The following EFCAB5 variants were observed in gnomAD, a reference collection of about 807,000 sequenced individuals.
The protein encoded by EFCAB5 is EF-hand calcium-binding domain-containing protein 5.
Under a neutral mutation model 167.9 loss-of-function variants are expected in EFCAB5, and 131 were observed. That is an observed-to-expected ratio of 0.78 (90% CI 0.68 to 0.90). The LOEUF is 0.90. Ranked by LOEUF, EFCAB5 falls within the 40% of genes least tolerant of loss-of-function variation. The pLI, the probability that EFCAB5 is intolerant of heterozygous loss-of-function variation, is 0.00. For synonymous variants in EFCAB5, 574 were observed against 602.8 expected (o/e 0.95, Z 0.70); for missense variants, 1,663 against 1,745.2 (o/e 0.95, Z 0.84).
intron 7 of EFCAB5, among the ~76,000 whole-genome samples, chr17:30,020,095 A>T (rs1319908246): frequency 6.6e-6 from 1 of 152,190 alleles, no homozygotes; most frequent in Non-Finnish European, 1.5e-5. Context: ...ATGTTGTCAC[A>T]AATGACAACA....
At chr17:30,078,154 AT>A (rs2070905660) in intron 14 of EFCAB5, 60 bp from the exon 15 acceptor site, 1 of 1,506,994 alleles carries the variant, frequency 6.6e-7, no homozygotes, top group Non-Finnish European at 8.9e-7. Flanking sequence ...GAGAATGAAA[AT>A]CCCCCCCACC....
chr17:29,961,985 A>G (rs1396343847), intron 3 of EFCAB5, among the ~76,000 whole-genome samples: 3 of 152,230 alleles, frequency 2.0e-5, no homozygotes, highest in African/African-American at 7.2e-5. Context: ...CCCTTGTCAC[A>G]AATCAATTGA....
At chr17:30,059,427 C>T in intron 13 of EFCAB5, 118 bp from the exon 14 acceptor site, 2 of 1,137,068 alleles carry the variant, frequency 1.8e-6, no homozygotes, top group Admixed American at 2.5e-5. Flanking sequence ...TCATGCTTAG[C>T]CTCAAAGTAA....
intron 3 of EFCAB5, among the ~76,000 whole-genome samples, chr17:29,956,827 G>T (rs1269132503): frequency 6.6e-6 from 1 of 152,124 alleles, no homozygotes; most frequent in African/African-American, 2.4e-5. Context: ...AAGGAAAGCG[G>T]GGAGGGAGGG....
At chr17:30,093,207 A>G (rs1057332734) in intron 22 of EFCAB5, among the ~76,000 whole-genome samples, 2 of 152,224 alleles carry the variant, frequency 1.3e-5, no homozygotes, top group African/African-American at 4.8e-5. Flanking sequence ...ATGGGGCTGC[A>G]ATGAGAATGG....
rs1401656331 is a variant in EFCAB5, at chr17:29,968,910, A to C, written c.310A>C (p.Thr104Pro). The C allele has an allele frequency of 6.3e-7, 1 of 1,576,790 alleles. No individual in the cohort carries two copies. Among genetic ancestry groups the C allele is most frequent in the Non-Finnish European group, 8.6e-7 (1 of 1,160,346 alleles). The change falls in exon 4 of 23, where the codon ACT (threonine) becomes CCT (proline). Residue 104 changes from threonine (T) to proline (P), a missense_variant. Transcript: ENST00000394835. ...SAKVIFALDE[T>P]ELKSKPEHTW... is the part of the protein sequence containing the mutation. ...AAAAGTGATTTTTGCTTTAGATGAA[A>C]CTGAACTGAAATCAAAGCCAGAGCA...
intron 20 of EFCAB5, among the ~76,000 whole-genome samples, chr17:30,091,089 T>C (rs2071186821): frequency 6.6e-6 from 1 of 152,204 alleles, no homozygotes; most frequent in South Asian, 2.1e-4. Context: ...AGGGCTGGAT[T>C]TGAACCTAGA....
At chr17:30,015,759 CTT>C (rs71138866) in intron 7 of EFCAB5, among the ~76,000 whole-genome samples, 5,722 of 130,598 alleles carry the variant, frequency 0.044, 202 homozygotes, top group East Asian at 0.15. Flanking sequence ...TTGGTTATTT[CTT>C]TTTTTTTTTT....
At chr17:30,003,103 G>GA (rs2068698350) in intron 7 of EFCAB5, among the ~76,000 whole-genome samples, 2 of 141,130 alleles carry the variant, frequency 1.4e-5, no homozygotes, top group South Asian at 5.1e-4. Flanking sequence ...TTGTAGCGGG[G>GA]GGGGGGTCTG....
Position 29,933,846 on chromosome 17 carries a change from T to C in EFCAB5, c.-127+4517T>C, listed in dbSNP as rs149933317. 2.6e-5 allele frequency among the ~76,000 whole-genome samples: 4 copies of C among 152,278 alleles called. No homozygotes were observed. The East Asian group carries it at 7.7e-4, about 29-fold the overall frequency. On this transcript the variant is annotated intron_variant, in intron 1 of 3. Transcript: ENST00000448319. Reference sequence around the variant, plus strand: ...AGGTGAAGAATCCTGATCTAAATGTTAAAGGGGTGGTTCTCTACCTTTTTT... The same window carrying C: ...AGGTGAAGAATCCTGATCTAAATGTCAAAGGGGTGGTTCTCTACCTTTTTT...
At position 30,082,884 on chromosome 17, in the gene EFCAB5, T is replaced by G; in HGVS notation, c.3427-7T>G. On this transcript the variant is annotated splice_region_variant and splice_polypyrimidine_tract_variant and intron_variant, in intron 17 of 22. Transcript: ENST00000394835. ...GAATAGGCTATTTGAATTTTCTGTC[T>G]CTACAGGGTGTTGCTAATGTCTTTA... 6.2e-7 allele frequency: 1 copy of G among 1,600,204 alleles called. No homozygotes were observed. The highest frequency in any genetic ancestry group is 1.8e-5 in the Admixed American group (1 of 57,112).
At chr17:29,982,853 G>A (rs2068205963) in intron 4 of EFCAB5, among the ~76,000 whole-genome samples, 1 of 152,180 alleles carries the variant, frequency 6.6e-6, no homozygotes, top group Non-Finnish European at 1.5e-5. Context: ...TCCTTATACA[G>A]CTTGAATTGA....
At chr17:30,038,577 C>T (rs1045378705) in intron 8 of EFCAB5, among the ~76,000 whole-genome samples, 3 of 152,190 alleles carry the variant, frequency 2.0e-5, no homozygotes, top group East Asian at 1.9e-4. Context: ...GTCATTTTGA[C>T]GTTCAAGTCT....
At chr17:29,978,572 T>C (rs1301429278) in intron 4 of EFCAB5, among the ~76,000 whole-genome samples, 1 of 152,210 alleles carries the variant, frequency 6.6e-6, no homozygotes, top group Non-Finnish European at 1.5e-5. Context: ...TGCAACTTGA[T>C]ATTAAATGAG....
chr17:30,017,674 G>A (rs973988428), intron 7 of EFCAB5, among the ~76,000 whole-genome samples: 3 of 151,990 alleles, frequency 2.0e-5, no homozygotes, highest in South Asian at 2.1e-4. Context: ...TCACAAAAGA[G>A]TGCAGTCATT....
intron 8 of EFCAB5, among the ~76,000 whole-genome samples, chr17:30,047,812 A>G (rs1346791112): frequency 1.3e-5 from 2 of 152,198 alleles, no homozygotes; most frequent in Non-Finnish European, 2.9e-5. Flanking sequence ...ACCACAATGG[A>G]GAATCTCAGC....
intron 7 of EFCAB5, among the ~76,000 whole-genome samples, chr17:30,024,028 A>T (rs1234203482): frequency 6.6e-6 from 1 of 152,220 alleles, no homozygotes; most frequent in Non-Finnish European, 1.5e-5. Context: ...GATGGGACGT[A>T]TCTGAAAATA....
At chr17:29,999,536 CAAAAT>C (rs1376299738) in intron 6 of EFCAB5, among the ~76,000 whole-genome samples, 1 of 152,004 alleles carries the variant, frequency 6.6e-6, no homozygotes, top group Non-Finnish European at 1.5e-5. Context: ...ACATTAAAGA[CAAAAT>C]AAAGTTTTTA....
intron 3 of EFCAB5, among the ~76,000 whole-genome samples, chr17:29,944,217 G>A (rs1358908666): frequency 6.6e-6 from 1 of 151,636 alleles, no homozygotes; most frequent in African/African-American, 2.4e-5. Context: ...CTGGGACTAT[G>A]GGCACACATT....
Sources: gnomAD v4.1 joint callset for allele counts (sites outside exome capture counted in the v4.1 genomes callset) on GRCh38, gnomAD v4.1.1 for gene constraint, MANE v1.5 for transcripts, NCBI Gene and HGNC (gene_info 2026-07-23, HGNC 2026-07-21) for gene names.